DCP2: variants seen among roughly 807,000 people sequenced by gnomAD.
DCP2 encodes decapping mRNA 2.
DCP2 carries 30 observed loss-of-function variants against 56.1 expected under a neutral mutation model. The ratio of observed to expected loss-of-function variants is 0.53; its 90% confidence interval spans 0.40 to 0.73. DCP2 has a LOEUF of 0.73. Among genes scored for constraint, DCP2 ranks in the 30% least tolerant of loss-of-function variants. DCP2 has a pLI of 0.00. For missense variants in DCP2, 533 were observed against 502.7 expected, an observed-to-expected ratio of 1.06 and a Z score of -0.58; for synonymous variants, 197 against 163.3, an observed-to-expected ratio of 1.21 and a Z score of -1.57.
intron 2 of DCP2, among the ~76,000 whole-genome samples, chr5:112,991,746 G>C (rs1748602197): frequency 6.6e-6 from 1 of 151,942 alleles, no homozygotes; most frequent in African/African-American, 2.4e-5. Context: ...ATAACTACCT[G>C]GCATTATGAA....
chr5:112,979,467 T>A (rs981596610), intron 1 of DCP2, among the ~76,000 whole-genome samples: 2 of 152,214 alleles, frequency 1.3e-5, no homozygotes, highest in Admixed American at 1.3e-4. Context: ...TTTTCTGAAC[T>A]TCTTTGCTCT....
chr5:112,984,663 C>G lies in DCP2; in HGVS notation c.54-1172C>G, dbSNP rs563433365. The G allele has an allele frequency of 2.0e-3, 244 of 119,748 alleles. 1 individual carries two copies. Among genetic ancestry groups the G allele is most frequent in the African/African-American group, 8.1e-3 (235 of 28,992 alleles). 7.4% of individuals were successfully genotyped at this position (119,748 alleles called of 1,614,324 possible). A position where few individuals can be genotyped will look rare whatever the true frequency, so the allele number is the denominator to read the frequency against. ...AATGCCTTTTGCTACTCCAGTGTTG[C>G]AGTGTTGTTTTTATTTCTTAATTAA... On this transcript the variant is annotated intron_variant, in intron 1 of 10. Coordinates refer to ENST00000389063, the MANE Select transcript of DCP2 (RefSeq NM_152624.6).
At chr5:112,995,658 T>A (rs1748814146) in intron 4 of DCP2, among the ~76,000 whole-genome samples, 1 of 152,246 alleles carries the variant, frequency 6.6e-6, no homozygotes, top group Non-Finnish European at 1.5e-5. Context: ...TTCTTTTTGA[T>A]CTCTATGATG....
At chr5:112,995,650 C>G (rs543936633) in intron 4 of DCP2, among the ~76,000 whole-genome samples, 3 of 152,162 alleles carry the variant, frequency 2.0e-5, no homozygotes, top group African/African-American at 7.2e-5. Flanking sequence ...TCTAAACATT[C>G]TTTTTGATCT....
intron 4 of DCP2, among the ~76,000 whole-genome samples, chr5:112,999,168 A>G (rs1749007363): frequency 6.6e-6 from 1 of 152,260 alleles, no homozygotes; most frequent in African/African-American, 2.4e-5. Context: ...TTCAGATTAT[A>G]CAATTTACTT....
Position 113,001,147 on chromosome 5 carries a change from C to G in DCP2, c.496C>G (p.Arg166Gly), listed in dbSNP as rs1749157897. ...TTGTAAGGATGATTACATTGAACTT[C>G]GAATCAATGACCAGCTTGCTCGTTT... is the stretch of plus-strand genomic sequence containing the variant. ...YICKDDYIEL[R>G]INDQLARLYI... is the part of the protein sequence containing the mutation. Residue 166 changes from arginine (R) to glycine (G), a missense_variant, in exon 5 of 11, where the codon CGA (arginine) becomes GGA (glycine). This residue lies in a region of DCP2 where 392 missense variants were observed against 346.6 expected (regional missense o/e 1.13). Coordinates refer to ENST00000389063, the MANE Select transcript of DCP2 (RefSeq NM_152624.6). 1.9e-6 allele frequency: 3 copies of G among 1,613,604 alleles called. No individual in the cohort carries two copies. The highest frequency in any genetic ancestry group is 1.1e-5 in the South Asian group (1 of 91,004).
Position 113,017,361 on chromosome 5 carries a change from G to T in DCP2, c.*3877G>T, listed in dbSNP as rs774161418. ...CCTGTCTGTAGGTAAGCAAGTGTTA[G>T]TAAAAACAATTTTGTCAAACAGTAC... On this transcript the variant is annotated 3_prime_UTR_variant, in exon 11 of 11. Transcript: ENST00000389063. The T allele has an allele frequency of 6.6e-6, 1 of 152,158 alleles. No individual in the cohort carries two copies. The highest frequency in any genetic ancestry group is 2.4e-5 in the African/African-American group (1 of 41,438). 9.4% of individuals were successfully genotyped at this position (152,158 alleles called of 1,614,324 possible).
chr5:113,000,328 AAAGTACTGAGATTG>A (rs1306138460), intron 4 of DCP2, among the ~76,000 whole-genome samples: 123 of 151,598 alleles, frequency 8.1e-4, no homozygotes, highest in African/African-American at 2.9e-3. Flanking sequence ...GTGGCCTCCC[AAAGTACTGAGATTG>A]CAGGTGTGAG....
chr5:112,993,083 T>A (rs572783000), intron 4 of DCP2, among the ~76,000 whole-genome samples: 3 of 152,274 alleles, frequency 2.0e-5, no homozygotes, highest in South Asian at 4.1e-4. Context: ...TTGGCTGTTA[T>A]AATCCTTGTT....
At chr5:112,978,501 AAGG>A (rs1476044097) in intron 1 of DCP2, among the ~76,000 whole-genome samples, 4 of 152,168 alleles carry the variant, frequency 2.6e-5, no homozygotes, top group Non-Finnish European at 4.4e-5. Flanking sequence ...CTCTCATACC[AAGG>A]AGAAGTAATA....
rs2150198275 is a variant in DCP2, at chr5:113,019,694, T to A, written c.*6210T>A. On this transcript the variant is annotated 3_prime_UTR_variant, in exon 11 of 11. Transcript: ENST00000389063. ...TTGCTTTATGTCTGTTTTTAAAAAA[T>A]AATTGTTTTGAAGTTTGCTTATTAG... is the stretch of plus-strand genomic sequence containing the variant. 1 of 152,346 alleles carries A rather than the reference T, an allele frequency of 6.6e-6. No homozygotes were observed. Among genetic ancestry groups the A allele is most frequent in the Admixed American group, 6.5e-5 (1 of 15,310 alleles). The allele number at this position is 152,346 out of a possible 1,614,324, so 9.4% of individuals were successfully genotyped here. A position where few individuals can be genotyped will look rare whatever the true frequency, so the allele number is the denominator to read the frequency against.
At chr5:112,996,003 C>T (rs1203737042) in intron 4 of DCP2, among the ~76,000 whole-genome samples, 1 of 152,168 alleles carries the variant, frequency 6.6e-6, no homozygotes, top group African/African-American at 2.4e-5. Flanking sequence ...ATGGCACCAG[C>T]CCTGTCAGAT....
At chr5:112,980,525 G>A (rs568981120) in intron 1 of DCP2, among the ~76,000 whole-genome samples, 26 of 152,304 alleles carry the variant, frequency 1.7e-4, no homozygotes, top group Admixed American at 2.6e-4. Flanking sequence ...GTAATGGAAA[G>A]CATTTTATTT....
rs1749607266 is a variant in DCP2, at chr5:113,009,949, G to A, written c.1048-807G>A. Among the ~76,000 whole-genome samples the A allele has an allele frequency of 3.5e-5, 5 of 143,270 alleles. 1 individual carries two copies. Among genetic ancestry groups the A allele is most frequent in the Admixed American group, 2.1e-4 (3 of 13,996 alleles). The allele number at this position is 143,270 out of a possible 152,430, so 94.0% of individuals were successfully genotyped here. ...TTTTTTTTTTTTGAGACAGGGTCTCGCTCTGTCGTCTAGAGTACAATGGCA... is the reference window on the plus strand; with the variant it reads ...TTTTTTTTTTTTGAGACAGGGTCTCACTCTGTCGTCTAGAGTACAATGGCA... On this transcript the variant is annotated intron_variant, in intron 9 of 10. Coordinates refer to ENST00000389063, the MANE Select transcript of DCP2 (RefSeq NM_152624.6).
chr5:113,009,750 T>A (rs58280144), intron 9 of DCP2, among the ~76,000 whole-genome samples: 29,102 of 151,334 alleles, frequency 0.19, 2,901 homozygotes, highest in African/African-American at 0.21. Flanking sequence ...TTTCTTCACA[T>A]TATATTCTAT....
chr5:113,007,672 C>T (rs1749502797), intron 8 of DCP2, among the ~76,000 whole-genome samples: 3 of 151,978 alleles, frequency 2.0e-5, no homozygotes, highest in African/African-American at 7.3e-5. Context: ...GCTGGGATTA[C>T]AGGCATGAGC....
chr5:112,995,772 A>G (rs1748819785), intron 4 of DCP2, among the ~76,000 whole-genome samples: 2 of 152,220 alleles, frequency 1.3e-5, no homozygotes, highest in Admixed American at 6.5e-5. Context: ...ACTTTGTCGT[A>G]AAGTTTGGGA....
At chr5:112,985,662 C>A (rs777880880) in intron 1 of DCP2, among the ~76,000 whole-genome samples, 173 bp from the exon 2 acceptor site, 1 of 152,186 alleles carries the variant, frequency 6.6e-6, no homozygotes, top group Non-Finnish European at 1.5e-5. Context: ...TGTCTCCTCT[C>A]TAAGACTCAT....
chr5:113,002,439 A>T (rs1281153871), intron 7 of DCP2, among the ~76,000 whole-genome samples: 1 of 151,380 alleles, frequency 6.6e-6, no homozygotes, highest in Non-Finnish European at 1.5e-5. Flanking sequence ...AAAAAAAAAA[A>T]TTGTGTCAGA....
Sources: gnomAD v4.1 joint callset for allele counts (sites outside exome capture counted in the v4.1 genomes callset) on GRCh38, gnomAD v4.1.1 for gene constraint, gnomAD v4.1.1 regional missense constraint, MANE v1.5 for transcripts, NCBI Gene and HGNC (gene_info 2026-07-23, HGNC 2026-07-21) for gene names.